Variants in ARFGEF2 observed in about 807,000 individuals in gnomAD.
The protein encoded by ARFGEF2 is brefeldin A-inhibited guanine nucleotide-exchange protein 2.
Under a neutral mutation model 219.9 loss-of-function variants are expected in ARFGEF2, and 74 were observed. That is an observed-to-expected ratio of 0.34 (90% CI 0.28 to 0.41). The LOEUF (loss-of-function observed/expected upper bound fraction) is 0.41, where lower values mean the gene tolerates loss of function less well. Among genes scored for constraint, ARFGEF2 ranks in the 10% least tolerant of loss-of-function variants. The probability of loss-of-function intolerance (pLI) is 1.00; values close to 1 mark genes in which losing one functional copy is unlikely to be tolerated. For missense variants in ARFGEF2, 1,743 were observed against 2,218.3 expected, an observed-to-expected ratio of 0.79 and a Z score of 4.30; for synonymous variants, 733 against 799.2, an observed-to-expected ratio of 0.92 and a Z score of 1.40.
At chr20:48,950,811 A>AAAATATATATAT (rs1176537072) in intron 3 of ARFGEF2, among the ~76,000 whole-genome samples, 9 of 64,514 alleles carry the variant, frequency 1.4e-4, no homozygotes, top group Non-Finnish European at 1.8e-4. Context: ...AAAAAAAAAA[A>AAAATATATATAT]ATATATATAT....
At chr20:48,990,023 T>C (rs2091348345) in intron 20 of ARFGEF2, among the ~76,000 whole-genome samples, 1 of 151,934 alleles carries the variant, frequency 6.6e-6, no homozygotes, top group African/African-American at 2.4e-5. Context: ...CTACTAAAAA[T>C]ATAAAATTAG....
chr20:49,007,086 C>T (rs2091465688), intron 26 of ARFGEF2, among the ~76,000 whole-genome samples: 1 of 152,086 alleles, frequency 6.6e-6, no homozygotes, highest in Admixed American at 6.5e-5. Context: ...GGTAGGAGGC[C>T]ATTGTAGTTG....
At chr20:48,922,129 C>T in intron 1 of ARFGEF2, 119 bp downstream of exon 1, 3 of 1,433,526 alleles carry the variant, frequency 2.1e-6, no homozygotes, top group Admixed American at 4.6e-5. Flanking sequence ...CGAATTCCAC[C>T]CTTCCGGCCT....
chr20:48,924,792 T>TC (rs1464334344), intron 1 of ARFGEF2, among the ~76,000 whole-genome samples: 5 of 152,160 alleles, frequency 3.3e-5, no homozygotes, highest in African/African-American at 1.2e-4. Context: ...ACCCTAGACT[T>TC]CTGTGTTCAA....
In ARFGEF2 at chr20:48,985,322, A is replaced by G. The variant is rs948524109; in HGVS notation, c.2071-86A>G. 2.8e-6 allele frequency: 4 copies of G among 1,436,824 alleles called. No individual in the cohort carries two copies. The Admixed American group carries it at 5.2e-5, about 19-fold the overall frequency. The allele number at this position is 1,436,824 out of a possible 1,614,324, so 89.0% of individuals were successfully genotyped here. A position where few individuals can be genotyped will look rare whatever the true frequency, so the allele number is the denominator to read the frequency against. ...TATTCTGGGCAGTTAGGGCCAGGCTATTCTGACTCCACCCTTTGGCTGCTG... is the reference window on the plus strand; with the variant it reads ...TATTCTGGGCAGTTAGGGCCAGGCTGTTCTGACTCCACCCTTTGGCTGCTG... On this transcript the variant is annotated intron_variant, in intron 15 of 38. Coordinates refer to ENST00000371917, the MANE Select transcript of ARFGEF2 (RefSeq NM_006420.3).
Position 49,036,095 on chromosome 20 carries a change from G to T in ARFGEF2, c.*2896G>T. On this transcript the variant is annotated 3_prime_UTR_variant, in exon 39 of 39. Transcript: ENST00000371917. ...GGAACCTGCTGATAAGTACAAGTGTGACCATCTCATTCAAATGTTTGTTGT... is the reference window on the plus strand; with the variant it reads ...GGAACCTGCTGATAAGTACAAGTGTTACCATCTCATTCAAATGTTTGTTGT... 1.0e-5 allele frequency: 4 copies of T among 397,998 alleles called. No individual in the cohort carries two copies. In the South Asian group the frequency reaches 5.2e-4, roughly 51 times the overall value. 24.7% of individuals were successfully genotyped at this position (397,998 alleles called of 1,614,324 possible). A position where few individuals can be genotyped will look rare whatever the true frequency, so the allele number is the denominator to read the frequency against.
intron 6 of ARFGEF2, among the ~76,000 whole-genome samples, chr20:48,956,461 T>C (rs771102038): frequency 2.6e-5 from 4 of 152,174 alleles, no homozygotes; most frequent in Non-Finnish European, 5.9e-5. Flanking sequence ...GGAGTTAAAG[T>C]TTGTTTTTAG....
intron 8 of ARFGEF2, among the ~76,000 whole-genome samples, chr20:48,967,254 CA>C (rs1467012429): frequency 1.3e-5 from 2 of 152,198 alleles, no homozygotes. Context: ...ATATGATGGG[CA>C]TCTTCCCCTG....
chr20:49,008,962 C>T (rs1296239176), intron 26 of ARFGEF2, among the ~76,000 whole-genome samples: 1 of 152,128 alleles, frequency 6.6e-6, no homozygotes, highest in Non-Finnish European at 1.5e-5. Context: ...CCTGCTTCGG[C>T]CTCCCGAAGT....
intron 14 of ARFGEF2, among the ~76,000 whole-genome samples, chr20:48,977,877 G>A (rs1033126739): frequency 4.7e-4 from 72 of 152,152 alleles, no homozygotes; most frequent in African/African-American, 1.7e-3. Flanking sequence ...CTGGATATTA[G>A]CCCTTTGTCA....
chr20:48,954,769 T>G (rs1300627852), intron 6 of ARFGEF2, among the ~76,000 whole-genome samples: 1 of 152,110 alleles, frequency 6.6e-6, no homozygotes, highest in East Asian at 1.9e-4. Flanking sequence ...AGAATGGTGT[T>G]GTGTCTCAGG....
chr20:48,944,154 C>G (rs1272413886), intron 3 of ARFGEF2, among the ~76,000 whole-genome samples: 1 of 152,210 alleles, frequency 6.6e-6, no homozygotes, highest in Non-Finnish European at 1.5e-5. Flanking sequence ...GTGAGACATA[C>G]AGTGAGCCAA....
intron 30 of ARFGEF2, among the ~76,000 whole-genome samples, chr20:49,015,914 TATTG>T (rs146340584): frequency 5.3e-5 from 8 of 152,374 alleles, no homozygotes; most frequent in East Asian, 1.9e-4. Flanking sequence ...ATCTTTCTCC[TATTG>T]ATTTATGCAT....
intron 32 of ARFGEF2, 37 bp downstream of exon 32, chr20:49,017,424 G>A (rs756166105): frequency 2.5e-6 from 4 of 1,613,832 alleles, no homozygotes; most frequent in Non-Finnish European, 3.4e-6. Flanking sequence ...TTATCTCTGT[G>A]TTCAGTGGAT....
At chr20:49,013,717 G>A in intron 29 of ARFGEF2, 23 bp downstream of exon 29, 1 of 1,613,976 alleles carries the variant, frequency 6.2e-7, no homozygotes, top group Non-Finnish European at 8.5e-7. Context: ...CCGTGCGGTG[G>A]CCCCTTACAT....
At chr20:48,963,166 ACT>A (rs2091164455) in intron 6 of ARFGEF2, among the ~76,000 whole-genome samples, 1 of 136,438 alleles carries the variant, frequency 7.3e-6, no homozygotes. Flanking sequence ...AGACAGCAAA[ACT>A]CTGTCTCAAA....
intron 12 of ARFGEF2, among the ~76,000 whole-genome samples, chr20:48,974,329 C>A (rs1350567111): frequency 6.6e-6 from 1 of 151,948 alleles, no homozygotes; most frequent in Non-Finnish European, 1.5e-5. Flanking sequence ...CCAGGCTGGT[C>A]TTGAACTCCT....
intron 36 of ARFGEF2, among the ~76,000 whole-genome samples, chr20:49,027,190 A>C (rs1360668737): frequency 6.6e-6 from 1 of 151,610 alleles, no homozygotes; most frequent in East Asian, 1.9e-4. Context: ...GGTTCAAGCG[A>C]TTCTCCTGCC....
chr20:49,023,530 T>G (rs1049703062), intron 35 of ARFGEF2, among the ~76,000 whole-genome samples: 1 of 63,216 alleles, frequency 1.6e-5, no homozygotes, highest in East Asian at 2.9e-4. Context: ...CTGGTTTTTT[T>G]TTTTTTGTTT....
Sources: allele counts gnomAD v4.1 joint callset (sites outside exome capture counted in the v4.1 genomes callset), GRCh38; gene constraint gnomAD v4.1.1; transcripts MANE v1.5; gene names NCBI Gene and HGNC (gene_info 2026-07-23, HGNC 2026-07-21).